The following GPM6B variants were observed in gnomAD, a reference collection of about 807,000 sequenced individuals.
GPM6B encodes neuronal membrane glycoprotein M6-b.
A neutral mutation model predicts 27.2 loss-of-function variants in GPM6B; 4 were observed. The observed-to-expected ratio is 0.15, with a 90% CI of 0.07 to 0.34. GPM6B has a LOEUF of 0.34. Ranked by LOEUF, GPM6B falls within the 10% of genes least tolerant of loss-of-function variation. GPM6B has a pLI of 1.00. For missense variants in GPM6B, 183 were observed against 261.9 expected (o/e 0.70, Z 2.08); for synonymous variants, 124 against 103.1 (o/e 1.20, Z -1.23).
chrX:13,848,016 C>T (rs1189901764), intron 1 of GPM6B, among the ~76,000 whole-genome samples: 2 of 111,864 alleles, frequency 1.8e-5, no homozygotes, highest in Non-Finnish European at 3.8e-5. Flanking sequence ...CCCCTCCTTC[C>T]GGACTGATAT....
intron 1 of GPM6B, among the ~76,000 whole-genome samples, chrX:13,931,200 C>CAA (rs1382222776): frequency 9.3e-6 from 1 of 107,290 alleles, no homozygotes; most frequent in Non-Finnish European, 1.9e-5. Flanking sequence ...AAAAACAAAA[C>CAA]AACAACAACA....
chrX:13,884,811 A>G (rs1018379986), intron 1 of GPM6B, among the ~76,000 whole-genome samples: 2 of 111,818 alleles, frequency 1.8e-5, no homozygotes, highest in Admixed American at 9.5e-5. Flanking sequence ...GACTCCAGAT[A>G]AAAGAGACAA....
intron 1 of GPM6B, among the ~76,000 whole-genome samples, chrX:13,854,106 C>T (rs1196798896): frequency 9.0e-6 from 1 of 111,530 alleles, no homozygotes; most frequent in Non-Finnish European, 1.9e-5. Flanking sequence ...GCAGATATGG[C>T]TTTGGGGGAA....
chrX:13,852,278 C>T (rs1341020801), intron 1 of GPM6B, among the ~76,000 whole-genome samples: 2 of 111,217 alleles, frequency 1.8e-5, no homozygotes, highest in Non-Finnish European at 3.8e-5. Context: ...ATGGGCCATA[C>T]CTGATGTAAA....
At chrX:13,788,782 T>C (rs1157733026) in intron 2 of GPM6B, among the ~76,000 whole-genome samples, 1 of 110,153 alleles carries the variant, frequency 9.1e-6, no homozygotes, top group Non-Finnish European at 1.9e-5. Context: ...AGAATGATGC[T>C]GTTCAATCCC....
At chrX:13,913,324 A>T (rs1243297051) in intron 1 of GPM6B, among the ~76,000 whole-genome samples, 1 of 102,425 alleles carries the variant, frequency 9.8e-6, no homozygotes, top group African/African-American at 3.6e-5. Flanking sequence ...TAATTTTCGT[A>T]TTTTTTTTTT....
chrX:13,869,475 G>A (rs142875991), intron 1 of GPM6B, among the ~76,000 whole-genome samples: 2,235 of 110,314 alleles, frequency 0.02, 66 homozygotes, highest in African/African-American at 0.07. Context: ...TGGGTGAACC[G>A]TATGGTATGT....
intron 1 of GPM6B, among the ~76,000 whole-genome samples, chrX:13,856,427 T>C (rs901446030): frequency 1.8e-5 from 2 of 112,003 alleles, no homozygotes; most frequent in Non-Finnish European, 3.8e-5. Flanking sequence ...TTGTAAATCT[T>C]CATGACCATC....
At chrX:13,930,619 A>T (rs1921459132) in intron 1 of GPM6B, among the ~76,000 whole-genome samples, 3 of 111,832 alleles carry the variant, frequency 2.7e-5, no homozygotes, top group African/African-American at 9.7e-5. Flanking sequence ...GTCTCAAAAA[A>T]AAAAAAAGAA....
chrX:13,819,760 A>G (rs914136677), upstream of GPM6B, among the ~76,000 whole-genome samples: 210 of 111,746 alleles, frequency 1.9e-3, 1 homozygote, highest in African/African-American at 6.7e-3. Context: ...AAACTCTTCT[A>G]AAACAGGGTG....
chrX:13,912,065 G>A (rs1185802069), intron 1 of GPM6B, among the ~76,000 whole-genome samples: 6 of 111,745 alleles, frequency 5.4e-5, no homozygotes, highest in Non-Finnish European at 9.4e-5. Flanking sequence ...CAACCACATA[G>A]GGCGTTATTT....
At chrX:13,850,933 G>A (rs766831405) in intron 1 of GPM6B, among the ~76,000 whole-genome samples, 2 of 111,086 alleles carry the variant, frequency 1.8e-5, no homozygotes, top group South Asian at 7.6e-4. Context: ...GGAGGCCAAG[G>A]TGGGCAAATC....
At chrX:13,790,419 G>C (rs1255195991) in intron 2 of GPM6B, among the ~76,000 whole-genome samples, 1 of 112,248 alleles carries the variant, frequency 8.9e-6, no homozygotes, top group African/African-American at 3.2e-5. Context: ...GAGAAATAAA[G>C]AATGTTGGAA....
chrX:13,875,202 G>A, intron 1 of GPM6B, among the ~76,000 whole-genome samples: 1 of 111,484 alleles, frequency 9.0e-6, no homozygotes, highest in East Asian at 2.8e-4. Context: ...ACAGTTGCAT[G>A]CAGTTAGTGG....
chrX:13,887,172 C>A (rs920090199), intron 1 of GPM6B, among the ~76,000 whole-genome samples: 1 of 112,203 alleles, frequency 8.9e-6, no homozygotes, highest in African/African-American at 3.2e-5. Context: ...GCCAATCTGT[C>A]CACTGATAAA....
In GPM6B at chrX:13,874,964, T is replaced by TC. The variant is rs753586019; in HGVS notation, c.-198+63362dup. Among the ~76,000 whole-genome samples, 115 of 91,980 alleles carry TC rather than the reference T, an allele frequency of 1.3e-3. 1 individual carries two copies. The highest frequency in any genetic ancestry group is 4.4e-3 in the African/African-American group (104 of 23,878). 79.9% of individuals were successfully genotyped at this position (91,980 alleles called of 115,157 possible). On this transcript the variant is annotated intron_variant, in intron 1 of 6. Coordinates refer to the GPM6B transcript ENST00000398361. ...CCCCCCCCACCCCCGCTTCAAACTC[T>TC]CCCTCTTTGGCCTGTTTGAATCTTC... is the stretch of plus-strand genomic sequence containing the variant.
chrX:13,879,211 C>A (rs987857619), intron 1 of GPM6B, among the ~76,000 whole-genome samples: 5 of 111,942 alleles, frequency 4.5e-5, no homozygotes, highest in African/African-American at 1.6e-4. Flanking sequence ...GTAGATATAC[C>A]TTTTATGATG....
intron 1 of GPM6B, among the ~76,000 whole-genome samples, chrX:13,898,781 C>T (rs181587075): frequency 9.0e-6 from 1 of 111,655 alleles, no homozygotes; most frequent in African/African-American, 3.3e-5. Context: ...TCTGAGGCCT[C>T]GCTTTCTCAC....
At chrX:13,886,719 TAAAAA>T (rs5901522) in intron 1 of GPM6B, among the ~76,000 whole-genome samples, 4 of 35,098 alleles carry the variant, frequency 1.1e-4, no homozygotes, top group South Asian at 5.7e-3. Context: ...AAGTCACTAC[TAAAAA>T]AAAAAAAAAA....
Sources: allele counts gnomAD v4.1 joint callset (sites outside exome capture counted in the v4.1 genomes callset), GRCh38; gene constraint gnomAD v4.1.1; transcripts MANE v1.5; gene names NCBI Gene and HGNC (gene_info 2026-07-23, HGNC 2026-07-21).